Variants in ATXN7L1 observed in about 807,000 individuals in gnomAD.
The protein encoded by ATXN7L1 is ataxin-7-like protein 1.
Under a neutral mutation model 70.8 loss-of-function variants are expected in ATXN7L1, and 15 were observed. The observed-to-expected ratio is 0.21, with a 90% CI of 0.14 to 0.33. The LOEUF (loss-of-function observed/expected upper bound fraction) is 0.33, where lower values mean the gene tolerates loss of function less well. Ranked by LOEUF, ATXN7L1 falls within the 10% of genes least tolerant of loss-of-function variation. ATXN7L1 has a pLI of 1.00. For synonymous variants in ATXN7L1, 440 were observed against 445.1 expected (o/e 0.99, Z 0.14); for missense variants, 975 against 1,097.1 (o/e 0.89, Z 1.57).
intron 3 of ATXN7L1, among the ~76,000 whole-genome samples, chr7:105,744,735 C>CTTTTTTTTTTT (rs11465151): frequency 8.5e-6 from 1 of 117,124 alleles, no homozygotes. Flanking sequence ...TCTTTCTTTA[C>CTTTTTTTTTTT]TTTTTTTTTT....
intron 3 of ATXN7L1, among the ~76,000 whole-genome samples, chr7:105,733,674 CCATCCACCCATCCACCCATCCATCCATT>C (rs1796960142): frequency 7.9e-6 from 1 of 126,692 alleles, no homozygotes; most frequent in Non-Finnish European, 1.7e-5. Flanking sequence ...ATCCATCCAT[CCATCCACCCATCCACCCATCCATCCATT>C]CATCCATCCA....
intron 10 of ATXN7L1, among the ~76,000 whole-genome samples, chr7:105,611,758 C>T (rs184243340): frequency 2.0e-5 from 3 of 152,198 alleles, no homozygotes; most frequent in African/African-American, 7.2e-5. Context: ...TAAATGGATC[C>T]CCAAATTGTT....
Position 105,864,456 on chromosome 7 carries a change from C to CAAAA in ATXN7L1, c.250+11352_250+11355dup, listed in dbSNP as rs34739253. On this transcript the variant is annotated intron_variant, in intron 2 of 11. Coordinates refer to ENST00000419735, the MANE Select transcript of ATXN7L1 (RefSeq NM_020725.2). The stretch of plus-strand genomic sequence containing the variant: ...TGGGTGGCAGAGAGAGGCCCTGTCT[C>CAAAA]AAAAAAAAAAAAAAAAAAAAAAAAA... 2.2e-4 allele frequency among the ~76,000 whole-genome samples: 9 copies of CAAAA among 41,074 alleles called. 1 individual carries two copies. Among genetic ancestry groups the CAAAA allele is most frequent in the South Asian group, 1.6e-3 (1 of 636 alleles). The allele number at this position is 41,074 out of a possible 152,430, so 26.9% of individuals were successfully genotyped here. A position where few individuals can be genotyped will look rare whatever the true frequency, so the allele number is the denominator to read the frequency against.
intron 2 of ATXN7L1, among the ~76,000 whole-genome samples, chr7:105,840,376 G>C (rs1199164830): frequency 6.6e-6 from 1 of 152,192 alleles, no homozygotes. Context: ...AAGAGGAGGG[G>C]CCAGAGCAGA....
At chr7:105,642,104 G>A (rs975161433) in intron 5 of ATXN7L1, among the ~76,000 whole-genome samples, 17 of 152,170 alleles carry the variant, frequency 1.1e-4, no homozygotes, top group African/African-American at 4.1e-4. Context: ...AGTAAAAACT[G>A]CCACGTTTAG....
At chr7:105,862,625 CCACA>C (rs1816807906) in intron 2 of ATXN7L1, among the ~76,000 whole-genome samples, 1 of 152,036 alleles carries the variant, frequency 6.6e-6, no homozygotes, top group South Asian at 2.1e-4. Flanking sequence ...ACCTGAAACC[CCACA>C]CAGAGGAGGT....
intron 2 of ATXN7L1, among the ~76,000 whole-genome samples, chr7:105,872,726 T>C (rs1245846324): frequency 6.6e-6 from 1 of 151,856 alleles, no homozygotes; most frequent in East Asian, 1.9e-4. Flanking sequence ...GATGGAAAAT[T>C]TGGGAAATGG....
rs199865858 is a variant in ATXN7L1 at position 105,652,576 on chromosome 7, T to C, written c.579-9455A>G. Among the ~76,000 whole-genome samples, 41 of 152,276 alleles carry C rather than the reference T, an allele frequency of 2.7e-4. No homozygotes were observed. In the East Asian group the frequency reaches 7.2e-3, roughly 27 times the overall value. On this transcript the variant is annotated intron_variant, in intron 4 of 11. Coordinates refer to ENST00000419735, the MANE Select transcript of ATXN7L1 (RefSeq NM_020725.2). ...TCCTGCTGTTCGAGCTGTAGGCTGC[T>C]CTGCAGTGCCTTCCAGCCAGTACAG... is the stretch of plus-strand genomic sequence containing the variant.
chr7:105,739,243 A>C (rs984184565), intron 3 of ATXN7L1, among the ~76,000 whole-genome samples: 67 of 152,212 alleles, frequency 4.4e-4, no homozygotes, highest in African/African-American at 1.5e-3. Flanking sequence ...CCATTTTAAA[A>C]AATGGGTTCA....
At chr7:105,822,230 G>A (rs1412400187) in intron 2 of ATXN7L1, among the ~76,000 whole-genome samples, 1 of 152,172 alleles carries the variant, frequency 6.6e-6, no homozygotes, top group Non-Finnish European at 1.5e-5. Flanking sequence ...TTGAGTCCAG[G>A]AGTTTAAGGC....
intron 3 of ATXN7L1, among the ~76,000 whole-genome samples, chr7:105,769,109 C>T (rs147294524): frequency 3.9e-5 from 6 of 152,304 alleles, no homozygotes; most frequent in East Asian, 1.9e-4. Flanking sequence ...AACCAGTTTC[C>T]GCCAGTGTAC....
intron 3 of ATXN7L1, among the ~76,000 whole-genome samples, chr7:105,732,286 G>T (rs2116332744): frequency 6.6e-6 from 1 of 152,176 alleles, no homozygotes; most frequent in Middle Eastern, 3.4e-3. Context: ...GGTGGTGCGT[G>T]CCTGTAGTCC....
intron 3 of ATXN7L1, among the ~76,000 whole-genome samples, chr7:105,777,738 T>G (rs1159656559): frequency 1.3e-5 from 2 of 152,122 alleles, no homozygotes; most frequent in East Asian, 3.8e-4. Flanking sequence ...GCAGCCAGAG[T>G]GAGCTTCAGA....
chr7:105,835,117 GT>G (rs1201099900), intron 2 of ATXN7L1, among the ~76,000 whole-genome samples: 1,687 of 94,508 alleles, frequency 0.018, 14 homozygotes, highest in Non-Finnish European at 0.03. Flanking sequence ...TGTGGAAGCT[GT>G]TTTTTTTTTT....
intron 3 of ATXN7L1, among the ~76,000 whole-genome samples, chr7:105,738,993 T>C (rs1797716156): frequency 6.6e-6 from 1 of 152,218 alleles, no homozygotes; most frequent in South Asian, 2.1e-4. Flanking sequence ...CCATCCCTTC[T>C]GACAAGATAC....
intron 3 of ATXN7L1, among the ~76,000 whole-genome samples, chr7:105,786,855 T>C (rs1451790203): frequency 6.6e-6 from 1 of 152,286 alleles, no homozygotes; most frequent in Middle Eastern, 3.4e-3. Context: ...ATGCAACCCC[T>C]TGTTCCGTGC....
chr7:105,708,859 G>A (rs939083737), intron 3 of ATXN7L1, among the ~76,000 whole-genome samples: 2 of 152,122 alleles, frequency 1.3e-5, no homozygotes, highest in African/African-American at 4.8e-5. Context: ...CCATAGTCAC[G>A]CGCCCTATTT....
chr7:105,830,607 A>G (rs933273875), intron 2 of ATXN7L1, among the ~76,000 whole-genome samples: 7 of 152,286 alleles, frequency 4.6e-5, no homozygotes, highest in African/African-American at 1.7e-4. Context: ...GTGGGAAAAC[A>G]AATTCCTGTA....
chr7:105,714,093 C>T (rs899134824), intron 3 of ATXN7L1, among the ~76,000 whole-genome samples: 10 of 152,246 alleles, frequency 6.6e-5, no homozygotes, highest in African/African-American at 2.4e-4. Context: ...CTCCACAACT[C>T]TATATAGTAG....
Sources: allele counts gnomAD v4.1 joint callset (sites outside exome capture counted in the v4.1 genomes callset), GRCh38; gene constraint gnomAD v4.1.1; transcripts MANE v1.5; gene names NCBI Gene and HGNC (gene_info 2026-07-23, HGNC 2026-07-21).